Variants in VCAN observed in about 807,000 individuals in gnomAD.
VCAN encodes versican core protein.
A neutral mutation model predicts 245.5 loss-of-function variants in VCAN; 44 were observed. That is an observed-to-expected ratio of 0.18 (90% confidence interval 0.14 to 0.23). The LOEUF (loss-of-function observed/expected upper bound fraction) is 0.23. Ranked by LOEUF, VCAN falls within the 10% of genes least tolerant of loss-of-function variation. The pLI, the probability that VCAN is intolerant of heterozygous loss-of-function variation, is 1.00. For missense variants in VCAN, 3,793 were observed against 4,057.9 expected (o/e 0.93, Z 1.77); for synonymous variants, 1,413 against 1,437.0 (o/e 0.98, Z 0.38).
chr5:83,502,988 A>G (rs1426700389), intron 5 of VCAN, among the ~76,000 whole-genome samples: 1 of 152,154 alleles, frequency 6.6e-6, no homozygotes, highest in African/African-American at 2.4e-5. Context: ...CTTGTCATTG[A>G]TAACTGAAGA....
chr5:83,519,481 C>T lies in VCAN; in HGVS notation c.1175C>T (p.Pro392Leu). Residue 392 changes from proline (P) to leucine (L), a missense_variant, in exon 7 of 15, where the codon CCA becomes CTA. Physicochemically the swap from Pro to Leu is moderately conservative, Grantham distance 98. Around this residue, in one of 5 missense-constraint regions of VCAN, gnomAD observed 3,182 missense variants for 3,250.3 expected, o/e 0.98. Transcript: ENST00000265077. ...IPLVDELPVI[P>L]TEFPPVGNIV... ...TTAGTTGATGAATTACCTGTCATTC[C>T]AACAGAGTTCCCTCCCGTGGGAAAT... The T allele has an allele frequency of 1.2e-6, 2 of 1,614,122 alleles. No individual in the cohort carries two copies. The highest frequency in any genetic ancestry group is 1.7e-6 in the Non-Finnish European group (2 of 1,179,974).
chr5:83,560,298 G>C (rs1165858257), intron 12 of VCAN, among the ~76,000 whole-genome samples: 1 of 151,904 alleles, frequency 6.6e-6, no homozygotes, highest in Non-Finnish European at 1.5e-5. Context: ...TTTCCAGATA[G>C]GCACATATTC....
intron 12 of VCAN, among the ~76,000 whole-genome samples, chr5:83,562,927 TACAC>T (rs556357123): frequency 6.0e-4 from 91 of 152,298 alleles, no homozygotes; most frequent in Non-Finnish European, 1.1e-3. Flanking sequence ...CTCACACTAT[TACAC>T]AAGATTAGTG....
At chr5:83,579,617 T>C (rs539605241) in intron 13 of VCAN, among the ~76,000 whole-genome samples, 2 of 152,258 alleles carry the variant, frequency 1.3e-5, no homozygotes, top group East Asian at 3.9e-4. Context: ...TTCATTATTG[T>C]CCCAAGTGAA....
intron 7 of VCAN, among the ~76,000 whole-genome samples, chr5:83,529,570 T>G (rs1746441224): frequency 1.3e-5 from 2 of 152,060 alleles, no homozygotes; most frequent in South Asian, 4.1e-4. Flanking sequence ...GTACCATGGA[T>G]TTTTGTATCC....
intron 12 of VCAN, among the ~76,000 whole-genome samples, chr5:83,567,730 G>A (rs979064967): frequency 2.6e-5 from 4 of 152,202 alleles, no homozygotes; most frequent in Admixed American, 6.5e-5. Context: ...AAGCGTTTGA[G>A]GTGTGTTGCA....
At chr5:83,555,177 G>A (rs1249331368) in intron 12 of VCAN, 139 bp downstream of exon 12, 3 of 832,700 alleles carry the variant, frequency 3.6e-6, no homozygotes, top group Non-Finnish European at 6.0e-6. Flanking sequence ...AAACAGAGAA[G>A]GGTTAGAAGA....
Position 83,539,519 on chromosome 5 carries a change from G to A in VCAN, c.6516G>A (p.Glu2172=), listed in dbSNP as rs200197921. 100 of 1,613,816 alleles carry A rather than the reference G, an allele frequency of 6.2e-5. No homozygotes were observed. The highest frequency in any genetic ancestry group is 8.3e-5 in the Non-Finnish European group (98 of 1,179,962). Residue 2172 remains glutamate (E), a synonymous_variant, in exon 8 of 15, where the codon GAG becomes GAA. Coordinates refer to ENST00000265077, the MANE Select transcript of VCAN (RefSeq NM_004385.5). ...KTYSDDKEMK[E]EDTSLVNMST... ...ACAGTGATGATAAAGAAATGAAGGA[G>A]GAAGACACTTCTTTAGTTAACATGT...
At chr5:83,548,206 G>C in intron 10 of VCAN, 122 bp downstream of exon 10, 1 of 773,250 alleles carries the variant, frequency 1.3e-6, no homozygotes, top group Admixed American at 2.0e-5. Flanking sequence ...CTTATTCAGG[G>C]ATAGCTCAAA....
Position 83,519,867 on chromosome 5 carries a change from G to C in VCAN, c.1561G>C (p.Val521Leu), listed in dbSNP as rs770332113. The change falls in exon 7 of 15, where the codon GTA becomes CTA. Residue 521 changes from valine (V) to leucine (L), a missense_variant. Physicochemically the swap from Val to Leu is conservative, Grantham distance 32. Around this residue, in one of 5 missense-constraint regions of VCAN, gnomAD observed 3,182 missense variants for 3,250.3 expected, o/e 0.98. Transcript: ENST00000265077. ...KEFPVTETPL[V>L]TARMILESKT... ...ATTCCCTGTAACTGAAACACCATTG[G>C]TAACTGCAAGAATGATCCTGGAATC... 5 of 1,614,082 alleles carry C rather than the reference G, an allele frequency of 3.1e-6. No homozygotes were observed. Among genetic ancestry groups the C allele is most frequent in the Non-Finnish European group, 4.2e-6 (5 of 1,179,988 alleles).
At position 83,521,328 on chromosome 5, in the gene VCAN, G is replaced by A. The variant is rs145963743; in HGVS notation, c.3022G>A (p.Asp1008Asn). 1.9e-6 allele frequency: 3 copies of A among 1,613,956 alleles called. No individual in the cohort carries two copies. The highest frequency in any genetic ancestry group is 1.3e-5 in the African/African-American group (1 of 74,932). ...GEPSQDILVIDQTRLEATISP... is the reference protein window; with the variant it reads ...GEPSQDILVINQTRLEATISP... ...ACCCTCTCAAGACATACTTGTCATT[G>A]ATCAGACTCGCCTTGAAGCGACTAT... is the stretch of plus-strand genomic sequence containing the variant. The change falls in exon 7 of 15, where the codon GAT (aspartate) becomes AAT (asparagine). Residue 1008 changes from aspartate to asparagine, a missense_variant. Transcript: ENST00000265077.
At chr5:83,572,624 A>C in intron 13 of VCAN, 64 bp downstream of exon 13, 1 of 1,598,052 alleles carries the variant, frequency 6.3e-7, no homozygotes, top group Non-Finnish European at 8.6e-7. Context: ...ATAATTCAGG[A>C]ATTTGTGTCT....
intron 13 of VCAN, among the ~76,000 whole-genome samples, chr5:83,578,619 A>G (rs1478048430): frequency 6.6e-6 from 1 of 152,188 alleles, no homozygotes; most frequent in Non-Finnish European, 1.5e-5. Flanking sequence ...TATGTAATAA[A>G]TTTAATAATT....
chr5:83,504,535 C>A (rs1428481336), intron 5 of VCAN, among the ~76,000 whole-genome samples: 1 of 152,090 alleles, frequency 6.6e-6, no homozygotes, highest in Non-Finnish European at 1.5e-5. Context: ...GCATGCACCA[C>A]CATGCCTGGC....
At chr5:83,509,936 G>A (rs1745600537) in intron 5 of VCAN, among the ~76,000 whole-genome samples, 1 of 152,084 alleles carries the variant, frequency 6.6e-6, no homozygotes, top group Non-Finnish European at 1.5e-5. Context: ...GGGAAGGATA[G>A]GGGGAAAAAA....
At chr5:83,473,689 T>C (rs1403889323) in intron 1 of VCAN, among the ~76,000 whole-genome samples, 2 of 152,124 alleles carry the variant, frequency 1.3e-5, no homozygotes, top group Non-Finnish European at 2.9e-5. Flanking sequence ...AACCTAGATG[T>C]CTAGGAATTG....
intron 6 of VCAN, among the ~76,000 whole-genome samples, chr5:83,516,144 C>A (rs1745848640): frequency 6.6e-6 from 1 of 152,076 alleles, no homozygotes; most frequent in Non-Finnish European, 1.5e-5. Flanking sequence ...CTAACCCTAA[C>A]CCTAACCCTA....
intron 8 of VCAN, among the ~76,000 whole-genome samples, chr5:83,542,927 C>T (rs1478924701): frequency 6.6e-6 from 1 of 152,086 alleles, no homozygotes; most frequent in Non-Finnish European, 1.5e-5. Flanking sequence ...GAATTTGATA[C>T]TGATTCATAT....
intron 6 of VCAN, among the ~76,000 whole-genome samples, chr5:83,513,765 C>A (rs532505805): frequency 1.3e-5 from 2 of 152,170 alleles, no homozygotes; most frequent in African/African-American, 4.8e-5. Context: ...ATTGTCACAA[C>A]AATGATTTTT....
Sources: gnomAD v4.1 joint callset for allele counts (sites outside exome capture counted in the v4.1 genomes callset) on GRCh38, gnomAD v4.1.1 for gene constraint, gnomAD v4.1.1 regional missense constraint, MANE v1.5 for transcripts, NCBI Gene and HGNC (gene_info 2026-07-23, HGNC 2026-07-21) for gene names.